Variants in AGFG1 observed in about 807,000 individuals in gnomAD.
The protein encoded by AGFG1 is arf-GAP domain and FG repeat-containing protein 1.
AGFG1 carries 10 observed loss-of-function variants against 60.6 expected under a neutral mutation model. The observed-to-expected ratio is 0.16, with a 90% CI of 0.10 to 0.28. The LOEUF (loss-of-function observed/expected upper bound fraction) is 0.28. Ranked by LOEUF, AGFG1 falls within the 10% of genes least tolerant of loss-of-function variation. The pLI, the probability that AGFG1 is intolerant of heterozygous loss-of-function variation, is 1.00. For synonymous variants in AGFG1, 247 were observed against 242.9 expected (o/e 1.02, Z -0.16); for missense variants, 537 against 676.5 (o/e 0.79, Z 2.29).
At chr2:227,535,162 T>C (rs1692269838) in intron 8 of AGFG1, 137 bp downstream of exon 8, 1 of 934,742 alleles carries the variant, frequency 1.1e-6, no homozygotes, top group Admixed American at 3.3e-5. Flanking sequence ...GGAATTTGAA[T>C]TTAAATGCTA....
intron 1 of AGFG1, among the ~76,000 whole-genome samples, chr2:227,479,321 C>T (rs934494120): frequency 3.3e-5 from 5 of 152,310 alleles, no homozygotes; most frequent in African/African-American, 1.2e-4. Flanking sequence ...ATTCATCCAT[C>T]ATTTTTGGCA....
intron 3 of AGFG1, among the ~76,000 whole-genome samples, chr2:227,521,402 A>G (rs1300650398): frequency 6.6e-6 from 1 of 152,236 alleles, no homozygotes; most frequent in Non-Finnish European, 1.5e-5. Flanking sequence ...AAGATTAGTC[A>G]GGGCTATATT....
At chr2:227,532,973 G>A (rs1158195620) in intron 6 of AGFG1, among the ~76,000 whole-genome samples, 1 of 152,154 alleles carries the variant, frequency 6.6e-6, no homozygotes, top group East Asian at 1.9e-4. Context: ...TGATTTTACA[G>A]TGGACATCTT....
intron 10 of AGFG1, among the ~76,000 whole-genome samples, chr2:227,540,671 T>C (rs966645490): frequency 2.0e-5 from 3 of 152,232 alleles, no homozygotes; most frequent in African/African-American, 7.2e-5. Context: ...TGCATGTGTC[T>C]TTATAGCAGC....
chr2:227,552,652 A>G (rs1485574792), intron 11 of AGFG1, among the ~76,000 whole-genome samples: 1 of 151,628 alleles, frequency 6.6e-6, no homozygotes, highest in Non-Finnish European at 1.5e-5. Flanking sequence ...CTTGAATCAC[A>G]ACTATGTGGT....
rs1393352094 is a variant in AGFG1 at position 227,472,378 on chromosome 2, C to T, written c.-44C>T. The T allele has an allele frequency of 1.6e-6, 2 of 1,264,568 alleles. No homozygotes were observed. Among genetic ancestry groups the T allele is most frequent in the Non-Finnish European group, 2.0e-6 (2 of 985,020 alleles). The allele number at this position is 1,264,568 out of a possible 1,614,324, so 78.3% of individuals were successfully genotyped here. On this transcript the variant is annotated 5_prime_UTR_variant, in exon 1 of 13. Coordinates refer to ENST00000310078, the MANE Select transcript of AGFG1 (RefSeq NM_004504.5). Reference sequence around the variant, plus strand: ...ACCGCGGGCCCCCGGCGCAGCGCTGCCCGGCTCCCGGCCCTGCCGGCCTCC... The same window carrying T: ...ACCGCGGGCCCCCGGCGCAGCGCTGTCCGGCTCCCGGCCCTGCCGGCCTCC...
chr2:227,552,004 G>A lies in AGFG1; in HGVS notation c.1424G>A (p.Gly475Asp), dbSNP rs553216604. Residue 475 changes from glycine (G) to aspartate (D), a missense_variant, in exon 11 of 13, where the codon GGC becomes GAC. Physicochemically the swap from Gly to Asp is moderately conservative, Grantham distance 94. Coordinates refer to ENST00000310078, the MANE Select transcript of AGFG1 (RefSeq NM_004504.5). ...TASMSMPTGF[G>D]TPAPYSLPTS... Reference sequence around the variant, plus strand: ...TCCATGAGCATGCCCACAGGATTCGGCACTCCTGCTCCCTACAGTCTTCCC... The same window carrying A: ...TCCATGAGCATGCCCACAGGATTCGACACTCCTGCTCCCTACAGTCTTCCC... The A allele has an allele frequency of 6.2e-7, 1 of 1,614,112 alleles. No individual in the cohort carries two copies. Among genetic ancestry groups the A allele is most frequent in the Admixed American group, 1.7e-5 (1 of 60,014 alleles).
intron 1 of AGFG1, among the ~76,000 whole-genome samples, chr2:227,474,492 A>G (rs1690223777): frequency 6.6e-6 from 1 of 152,216 alleles, no homozygotes; most frequent in South Asian, 2.1e-4. Flanking sequence ...TATAATGACA[A>G]TTATTTATCT....
At chr2:227,497,112 G>T (rs1575074000) in intron 2 of AGFG1, among the ~76,000 whole-genome samples, 1 of 152,024 alleles carries the variant, frequency 6.6e-6, no homozygotes, top group Non-Finnish European at 1.5e-5. Flanking sequence ...TGTAGGCTTT[G>T]TGGGCCACCT....
chr2:227,528,565 TA>T (rs1692064765), intron 5 of AGFG1, among the ~76,000 whole-genome samples: 1 of 152,202 alleles, frequency 6.6e-6, no homozygotes, highest in Admixed American at 6.5e-5. Context: ...TTTATGAATA[TA>T]TTCTGGTTTT....
chr2:227,519,103 A>G (rs1298665224), intron 2 of AGFG1, among the ~76,000 whole-genome samples: 1 of 152,182 alleles, frequency 6.6e-6, no homozygotes, highest in Admixed American at 6.5e-5. Flanking sequence ...TGAGCCTGGG[A>G]GGCAATAAGC....
In AGFG1 at chr2:227,559,580, A is replaced by G. The variant is rs1442459638; in HGVS notation, c.*5085A>G. The G allele has an allele frequency of 6.6e-6, 1 of 152,208 alleles. No homozygotes were observed. Among genetic ancestry groups the G allele is most frequent in the African/African-American group, 2.4e-5 (1 of 41,468 alleles). 9.4% of individuals were successfully genotyped at this position (152,208 alleles called of 1,614,324 possible). A position where few individuals can be genotyped will look rare whatever the true frequency, so the allele number is the denominator to read the frequency against. On this transcript the variant is annotated 3_prime_UTR_variant, in exon 13 of 13. Transcript: ENST00000310078. The stretch of plus-strand genomic sequence containing the variant: ...TGTTGTGATTTGAGCTTTTATAAAA[A>G]AAGATAAGTGATCCTAGATAAAATA...
At chr2:227,528,803 T>C (rs1692071175) in intron 5 of AGFG1, among the ~76,000 whole-genome samples, 1 of 152,230 alleles carries the variant, frequency 6.6e-6, no homozygotes, top group Non-Finnish European at 1.5e-5. Context: ...GTTGCACTAA[T>C]ACTTTCAACA....
At chr2:227,492,985 C>G (rs1274857273) in intron 2 of AGFG1, among the ~76,000 whole-genome samples, 2 of 151,906 alleles carry the variant, frequency 1.3e-5, no homozygotes, top group Non-Finnish European at 2.9e-5. Context: ...AGAATGGAAT[C>G]AGAAATAAAG....
At chr2:227,550,090 T>C (rs760779544) in intron 10 of AGFG1, 13 of 444,150 alleles carry the variant, frequency 2.9e-5, no homozygotes, top group Non-Finnish European at 6.0e-5. Flanking sequence ...CTCAAGTGTT[T>C]CCTCACGCTC....
chr2:227,485,061 T>G (rs540204458), intron 1 of AGFG1, among the ~76,000 whole-genome samples: 1 of 152,166 alleles, frequency 6.6e-6, no homozygotes, highest in African/African-American at 2.4e-5. Flanking sequence ...TATTTTGATC[T>G]TATACTTCAA....
At chr2:227,550,878 T>C (rs1692798730) in intron 10 of AGFG1, among the ~76,000 whole-genome samples, 1 of 152,254 alleles carries the variant, frequency 6.6e-6, no homozygotes, top group Non-Finnish European at 1.5e-5. Context: ...TTTGATTGCA[T>C]CATGCTAAGA....
rs1444823929 is a variant in AGFG1, at chr2:227,555,085, A to G, written c.*590A>G. 3 of 152,582 alleles carry G rather than the reference A, an allele frequency of 2.0e-5. No individual in the cohort carries two copies. Among genetic ancestry groups the G allele is most frequent in the Admixed American group, 6.5e-5 (1 of 15,284 alleles). 9.5% of individuals were successfully genotyped at this position (152,582 alleles called of 1,614,324 possible). A position where few individuals can be genotyped will look rare whatever the true frequency, so the allele number is the denominator to read the frequency against. On this transcript the variant is annotated 3_prime_UTR_variant, in exon 13 of 13. Transcript: ENST00000310078. Reference sequence around the variant, plus strand: ...ATAATAAAGCTGATCATGTTTTGCTACAGTTTGCAGGTGAAAAAAAATAAA... The same window carrying G: ...ATAATAAAGCTGATCATGTTTTGCTGCAGTTTGCAGGTGAAAAAAAATAAA...
chr2:227,487,108 A>G (rs1005148769), intron 1 of AGFG1, among the ~76,000 whole-genome samples: 14 of 152,250 alleles, frequency 9.2e-5, no homozygotes, highest in African/African-American at 3.4e-4. Flanking sequence ...AGAAAGCCTT[A>G]GAATGGAAAA....
Sources: allele counts gnomAD v4.1 joint callset (sites outside exome capture counted in the v4.1 genomes callset), GRCh38; gene constraint gnomAD v4.1.1; transcripts MANE v1.5; gene names NCBI Gene and HGNC (gene_info 2026-07-23, HGNC 2026-07-21).